Variants in PBRM1 observed in about 807,000 individuals in gnomAD.
PBRM1 encodes polybromo 1.
In PBRM1, 27 loss-of-function variants were observed where a neutral mutation model predicts 194.5. The ratio of observed to expected loss-of-function variants is 0.14; its 90% CI spans 0.10 to 0.19. PBRM1 has a LOEUF of 0.19. Among genes scored for constraint, PBRM1 ranks in the 10% least tolerant of loss-of-function variants. The pLI, the probability that PBRM1 is intolerant of heterozygous loss-of-function variation, is 1.00. For synonymous variants in PBRM1, 655 were observed against 693.2 expected (o/e 0.94, Z 0.87); for missense variants, 1,466 against 2,077.2 (o/e 0.71, Z 5.72).
At chr3:52,598,615 G>C (rs2093744150) in intron 17 of PBRM1, among the ~76,000 whole-genome samples, 1 of 151,976 alleles carries the variant, frequency 6.6e-6, no homozygotes, top group Admixed American at 6.6e-5. Flanking sequence ...ATAATCATGT[G>C]GCTGGTGTCT....
Position 52,603,980 on chromosome 3 carries a change from G to C in PBRM1, c.2568-248C>G, listed in dbSNP as rs530179587. Among the ~76,000 whole-genome samples, 6 of 152,244 alleles carry C rather than the reference G, an allele frequency of 3.9e-5. No homozygotes were observed. In the South Asian group the frequency reaches 1.2e-3, roughly 32 times the overall value. On this transcript the variant is annotated intron_variant, in intron 16 of 29. Transcript: ENST00000296302. The stretch of plus-strand genomic sequence containing the variant: ...CTTGTACAGCTCATGAAAAACGAAA[G>C]GCCTCATGTATTTTCTCTTGGAGAT...
At chr3:52,599,164 T>C (rs1210899053) in intron 17 of PBRM1, among the ~76,000 whole-genome samples, 1 of 152,146 alleles carries the variant, frequency 6.6e-6, no homozygotes, top group Non-Finnish European at 1.5e-5. Flanking sequence ...CACTCTAGCC[T>C]GGGTGACAGA....
chr3:52,668,641 G>T, exon 3 of PBRM1: 1 of 1,550,580 alleles, frequency 6.4e-7, no homozygotes, highest in South Asian at 1.2e-5. Context: ...TAGTCTGGTT[G>T]ATTTCTGTTA....
chr3:52,553,850 C>A (rs750635552), intron 27 of PBRM1, among the ~76,000 whole-genome samples: 1 of 152,028 alleles, frequency 6.6e-6, no homozygotes, highest in African/African-American at 2.4e-5. Context: ...TTAGTAAAGA[C>A]GGTGTTTCAC....
At chr3:52,678,755 C>T (rs1435671035) in intron 1 of PBRM1, among the ~76,000 whole-genome samples, 158 bp from the exon 3 acceptor site, 1 of 152,176 alleles carries the variant, frequency 6.6e-6, no homozygotes, top group African/African-American at 2.4e-5. Flanking sequence ...AATATGCTGA[C>T]AATATGTCTC....
At chr3:52,682,427 T>C (rs2097219869), upstream of PBRM1, among the ~76,000 whole-genome samples, 1 of 151,234 alleles carries the variant, frequency 6.6e-6, no homozygotes, top group Non-Finnish European at 1.5e-5. Flanking sequence ...AAATTACTTT[T>C]ATAAATAATC....
At chr3:52,596,391 T>C (rs921306434) in intron 17 of PBRM1, among the ~76,000 whole-genome samples, 3 of 124,830 alleles carry the variant, frequency 2.4e-5, no homozygotes, top group Admixed American at 2.2e-4. Context: ...TGAGTCGAGA[T>C]TGTGCCACTG....
Position 52,550,529 on chromosome 3 carries a change from GA to G in PBRM1, c.4788del (p.Pro1598HisfsTer14). The G allele has an allele frequency of 6.3e-7, 1 of 1,575,844 alleles. No homozygotes were observed. On this transcript the variant is annotated frameshift_variant, in exon 29 of 30. Transcript: ENST00000296302. LOFTEE classifies it high-confidence loss of function. ...AGAAGCCGCTGGGTCTTTGGTGGGG[GA>G]GCTACAAACATGGGTGTTGTTGGCT...
At chr3:52,642,067 T>A (rs2153708863) in intron 9 of PBRM1, 22 bp from the exon 11 acceptor site, 10 of 1,122,404 alleles carry the variant, frequency 8.9e-6, no homozygotes, top group Non-Finnish European at 1.4e-5. Flanking sequence ...AAAAAAGCAA[T>A]TAGACAGGGA....
At chr3:52,676,238 T>C (rs990252176) in intron 2 of PBRM1, among the ~76,000 whole-genome samples, 11 of 145,218 alleles carry the variant, frequency 7.6e-5, no homozygotes, top group African/African-American at 2.8e-4. Flanking sequence ...GCTAAAACTA[T>C]AAAACTCTTA....
intron 3 of PBRM1, among the ~76,000 whole-genome samples, chr3:52,666,266 G>A (rs2096832395): frequency 6.6e-6 from 1 of 152,178 alleles, no homozygotes; most frequent in East Asian, 1.9e-4. Flanking sequence ...ATAAGGCCAG[G>A]CATGGTGGCT....
At chr3:52,627,588 G>A (rs1265367099) in intron 12 of PBRM1, among the ~76,000 whole-genome samples, 2 of 152,164 alleles carry the variant, frequency 1.3e-5, no homozygotes, top group African/African-American at 4.8e-5. Flanking sequence ...ACAGGGTTGA[G>A]GAGTCAATAC....
In PBRM1 at chr3:52,563,509, T is replaced by TA. The variant is rs772957480; in HGVS notation, c.3876-17dup. On this transcript the variant is annotated splice_polypyrimidine_tract_variant and intron_variant, in intron 23 of 29. Transcript: ENST00000296302. ...AATTGGTTTTCTGAAAAAAGTGACA[T>TA]AAAAAACCTAAAATCACCTAATGCC... 1.9e-6 allele frequency: 3 copies of TA among 1,586,546 alleles called. No individual in the cohort carries two copies. Among genetic ancestry groups the TA allele is most frequent in the South Asian group, 1.1e-5 (1 of 90,476 alleles).
At chr3:52,575,141 G>A (rs6762457) in intron 22 of PBRM1, among the ~76,000 whole-genome samples, 51,983 of 151,834 alleles carry the variant, frequency 0.34, 9,917 homozygotes, top group Admixed American at 0.46. Context: ...GGGCTCAAGC[G>A]ACCTGCCCAT....
At chr3:52,653,961 A>G (rs986402046) in intron 5 of PBRM1, among the ~76,000 whole-genome samples, 12 of 152,226 alleles carry the variant, frequency 7.9e-5, no homozygotes, top group Non-Finnish European at 1.5e-4. Context: ...TTTATCAAAT[A>G]CTAGGTCATC....
intron 25 of PBRM1, chr3:52,560,725 T>C (rs1319558843): frequency 6.6e-6 from 1 of 152,222 alleles, no homozygotes; most frequent in East Asian, 1.9e-4. Context: ...AAATGTTTTT[T>C]GGCTAAACAT....
At chr3:52,684,636 G>C (rs962884479), upstream of PBRM1, among the ~76,000 whole-genome samples, 10 of 152,140 alleles carry the variant, frequency 6.6e-5, no homozygotes, top group Non-Finnish European at 1.0e-4. Context: ...TCTACAGCCT[G>C]TGTTTTAGTG....
chr3:52,585,291 T>C (rs553092097), intron 20 of PBRM1, among the ~76,000 whole-genome samples: 1 of 152,264 alleles, frequency 6.6e-6, no homozygotes, highest in African/African-American at 2.4e-5. Flanking sequence ...TTCAACAGTA[T>C]AATAATCATA....
intron 17 of PBRM1, among the ~76,000 whole-genome samples, chr3:52,600,377 T>C (rs2153274469): frequency 6.6e-6 from 1 of 152,360 alleles, no homozygotes; most frequent in East Asian, 1.9e-4. Flanking sequence ...TTTATTTTTC[T>C]TTGACTGAGT....
Sources: allele counts gnomAD v4.1 joint callset (sites outside exome capture counted in the v4.1 genomes callset), GRCh38; gene constraint gnomAD v4.1.1; transcripts MANE v1.5; gene names NCBI Gene and HGNC (gene_info 2026-07-23, HGNC 2026-07-21).